Variants in BLK observed in about 807,000 individuals in gnomAD.
BLK encodes the protein BLK proto-oncogene, Src family tyrosine kinase, also known as tyrosine-protein kinase Blk.
BLK carries 64 observed loss-of-function variants against 61.8 expected under a neutral mutation model. The observed-to-expected ratio is 1.03, with a 90% CI of 0.85 to 1.27. The LOEUF is 1.27. Ranked by LOEUF, BLK falls within the 50% of genes most tolerant of loss-of-function variation. The pLI is 0.00. For synonymous variants in BLK, 351 were observed against 272.0 expected, an observed-to-expected ratio of 1.29 and a Z score of -2.86; for missense variants, 853 against 660.5, an observed-to-expected ratio of 1.29 and a Z score of -3.19.
In BLK at chr8:11,549,042, G is replaced by C; in HGVS notation, c.288G>C (p.Leu96=). Residue 96 remains leucine (L), a synonymous_variant, in exon 5 of 13, where the codon CTG becomes CTC. Coordinates refer to ENST00000259089, the MANE Select transcript of BLK (RefSeq NM_001715.3). Reference sequence around the variant, plus strand: ...CCATTAGAACTGGAGACTGGTGGCTGGCCAGGTCACTCGTCACAGGAAGAG... The same window carrying C: ...CCATTAGAACTGGAGACTGGTGGCTCGCCAGGTCACTCGTCACAGGAAGAG... ...QVLKGTGDWW[L]ARSLVTGREG... 6.2e-7 allele frequency: 1 copy of C among 1,610,188 alleles called. No individual in the cohort carries two copies.
At position 11,564,253 on chromosome 8, in the gene BLK, G is replaced by A. The variant is rs1450514088; in HGVS notation, c.*145G>A. 5.0e-6 allele frequency: 5 copies of A among 1,006,846 alleles called. No individual in the cohort carries two copies. Among genetic ancestry groups the A allele is most frequent in the Non-Finnish European group, 6.0e-6 (4 of 667,924 alleles). 62.4% of individuals were successfully genotyped at this position (1,006,846 alleles called of 1,614,324 possible). On this transcript the variant is annotated 3_prime_UTR_variant, in exon 13 of 13. Transcript: ENST00000259089. ...CCAGTGGGCAGAGGCAGCTTCGCAG[G>A]GGGTCCCCGGACGGACTCCTTCACC... is the stretch of plus-strand genomic sequence containing the variant.
chr8:11,522,450 G>C (rs1042273822), intron 1 of BLK, among the ~76,000 whole-genome samples: 1 of 152,124 alleles, frequency 6.6e-6, no homozygotes, highest in African/African-American at 2.4e-5. Context: ...GGAGTGTTTT[G>C]GGAACCCATA....
chr8:11,532,260 G>A lies in BLK; in HGVS notation c.-1-10964G>A, dbSNP rs186381417. 5.3e-5 allele frequency among the ~76,000 whole-genome samples: 8 copies of A among 151,574 alleles called. No individual in the cohort carries two copies. In the East Asian group the frequency reaches 1.2e-3, roughly 22 times the overall value. On this transcript the variant is annotated intron_variant, in intron 1 of 12. Coordinates refer to ENST00000259089, the MANE Select transcript of BLK (RefSeq NM_001715.3). The stretch of plus-strand genomic sequence containing the variant: ...GTTGCCCAGGCTAGAGTGCAGTGGT[G>A]TGATCTTGGCTCAAAGCAACCTCTG...
chr8:11,508,312 G>C (rs1411809847), intron 1 of BLK, among the ~76,000 whole-genome samples: 1 of 152,152 alleles, frequency 6.6e-6, no homozygotes, highest in Non-Finnish European at 1.5e-5. Context: ...TAGATCAAGA[G>C]CCAAGAACGG....
intron 10 of BLK, 112 bp from the exon 11 acceptor site, chr8:11,561,190 G>C: frequency 6.9e-7 from 1 of 1,452,904 alleles, no homozygotes; most frequent in South Asian, 1.2e-5. Context: ...CTCCATCCAA[G>C]AAACAGCTCC....
chr8:11,538,939 A>G (rs947613554), intron 1 of BLK, among the ~76,000 whole-genome samples: 2 of 152,212 alleles, frequency 1.3e-5, no homozygotes, highest in Non-Finnish European at 2.9e-5. Flanking sequence ...TTAGTATTAA[A>G]GAATTTAAGA....
intron 1 of BLK, among the ~76,000 whole-genome samples, chr8:11,531,546 G>A (rs1038539427): frequency 6.6e-6 from 1 of 152,146 alleles, no homozygotes; most frequent in African/African-American, 2.4e-5. Context: ...TCAACAATAC[G>A]ATTATAATGT....
intron 1 of BLK, among the ~76,000 whole-genome samples, chr8:11,504,371 GAAAAGAA>G (rs1239270861): frequency 7.7e-4 from 13 of 16,888 alleles, no homozygotes; most frequent in African/African-American, 1.9e-3. Flanking sequence ...AAGGAAGAAA[GAAAAGAA>G]AAGAAAAGAA....
chr8:11,527,412 T>G (rs1799701252), intron 1 of BLK, among the ~76,000 whole-genome samples: 1 of 152,130 alleles, frequency 6.6e-6, no homozygotes, highest in African/African-American at 2.4e-5. Context: ...CCCCTTATGC[T>G]ACCTCCAACC....
intron 4 of BLK, 46 bp downstream of exon 4, chr8:11,548,171 C>A (rs756487163): frequency 3.0e-5 from 44 of 1,490,176 alleles, no homozygotes; most frequent in Non-Finnish European, 4.0e-5. Flanking sequence ...GACCCCCCTC[C>A]CCCACATCTC....
intron 8 of BLK, chr8:11,556,042 GC>G (rs1801205079): frequency 8.2e-6 from 2 of 245,114 alleles, no homozygotes; most frequent in Non-Finnish European, 1.6e-5. Flanking sequence ...CTTACCTGGG[GC>G]TGGTCCATGA....
intron 1 of BLK, among the ~76,000 whole-genome samples, chr8:11,496,054 C>T (rs1342174218): frequency 6.6e-6 from 1 of 152,182 alleles, no homozygotes. Flanking sequence ...GTGATCACAC[C>T]TTCTCTTTGA....
At chr8:11,560,940 TC>T (rs1186776608) in intron 10 of BLK, 2 of 484,064 alleles carry the variant, frequency 4.1e-6, no homozygotes, top group Non-Finnish European at 8.2e-6. Context: ...TGCCTCCTGC[TC>T]CCCCTCCCCC....
rs556157321 is a variant in BLK at position 11,545,312 on chromosome 8, G to A, written c.124-740G>A. On this transcript the variant is annotated intron_variant, in intron 2 of 12. Coordinates refer to ENST00000259089, the MANE Select transcript of BLK (RefSeq NM_001715.3). The stretch of plus-strand genomic sequence containing the variant: ...GCCTGTAATCCCAGCACTTTGGGAG[G>A]CCGAGGTGGGAGGATCACTTGAGGC... 3.9e-5 allele frequency among the ~76,000 whole-genome samples: 6 copies of A among 152,318 alleles called. No homozygotes were observed. The East Asian group carries it at 1.2e-3, about 29-fold the overall frequency.
intron 6 of BLK, among the ~76,000 whole-genome samples, chr8:11,553,879 C>A (rs1368635291): frequency 6.6e-6 from 1 of 152,126 alleles, no homozygotes; most frequent in Non-Finnish European, 1.5e-5. Flanking sequence ...CAAACAGGAC[C>A]GCGGAAAACC....
At chr8:11,506,812 C>T (rs1013696612) in intron 1 of BLK, among the ~76,000 whole-genome samples, 2 of 152,216 alleles carry the variant, frequency 1.3e-5, no homozygotes, top group African/African-American at 2.4e-5. Context: ...GGGATGCATC[C>T]TCCCACTCTG....
At chr8:11,510,820 C>A (rs146738087) in intron 1 of BLK, among the ~76,000 whole-genome samples, 40 of 138,994 alleles carry the variant, frequency 2.9e-4, no homozygotes, top group South Asian at 6.6e-4. Context: ...TAAATAAATA[C>A]ATAAATAAAG....
intron 6 of BLK, chr8:11,554,146 C>T (rs1801060319): frequency 1.3e-5 from 2 of 157,518 alleles, no homozygotes; most frequent in Non-Finnish European, 2.8e-5. Context: ...ATTCTTACCT[C>T]CTAAATTGTC....
chr8:11,504,284 T>C (rs1399240388), intron 1 of BLK, among the ~76,000 whole-genome samples: 1 of 147,218 alleles, frequency 6.8e-6, no homozygotes, highest in Non-Finnish European at 1.5e-5. Context: ...GATCGCACCA[T>C]TGCACTCCAG....
Sources: allele counts gnomAD v4.1 joint callset (sites outside exome capture counted in the v4.1 genomes callset), GRCh38; gene constraint gnomAD v4.1.1; transcripts MANE v1.5; gene names NCBI Gene and HGNC (gene_info 2026-07-23, HGNC 2026-07-21).